The following CADPS2 variants were observed in gnomAD, a reference collection of about 807,000 sequenced individuals.
CADPS2 encodes the protein calcium-dependent secretion activator 2.
A neutral mutation model predicts 172.5 loss-of-function variants in CADPS2; 93 were observed. The observed-to-expected ratio is 0.54, with a 90% CI of 0.46 to 0.64. The LOEUF (loss-of-function observed/expected upper bound fraction) is 0.64, where lower values mean the gene tolerates loss of function less well. Among genes scored for constraint, CADPS2 ranks in the 30% least tolerant of loss-of-function variants. The probability of loss-of-function intolerance (pLI) is 0.00; values close to 1 mark genes in which losing one functional copy is unlikely to be tolerated. For synonymous variants in CADPS2, 546 were observed against 555.2 expected, an observed-to-expected ratio of 0.98 and a Z score of 0.23; for missense variants, 1,420 against 1,565.9, an observed-to-expected ratio of 0.91 and a Z score of 1.57.
chr7:122,419,292 T>C (rs920668822), intron 17 of CADPS2, among the ~76,000 whole-genome samples: 15 of 152,330 alleles, frequency 9.8e-5, no homozygotes, highest in Non-Finnish European at 2.2e-4. Context: ...CAAGGGTGGA[T>C]AAGAGAGCAT....
At chr7:122,441,634 T>A in intron 15 of CADPS2, 59 bp from the exon 16 acceptor site, 4 of 1,055,506 alleles carry the variant, frequency 3.8e-6, no homozygotes, top group Non-Finnish European at 5.4e-6. Flanking sequence ...GACTGCTAAA[T>A]AATTCCTGCT....
chr7:122,582,345 T>C (rs1359138384), intron 6 of CADPS2, among the ~76,000 whole-genome samples: 2 of 151,892 alleles, frequency 1.3e-5, no homozygotes, highest in African/African-American at 2.4e-5. Context: ...TGCCTTCCTC[T>C]CCTATCACAG....
intron 1 of CADPS2, among the ~76,000 whole-genome samples, chr7:122,837,123 C>A (rs980203963): frequency 1.3e-5 from 2 of 152,170 alleles, no homozygotes; most frequent in African/African-American, 4.8e-5. Context: ...GATTAAGAAA[C>A]TCACTCAAAA....
intron 9 of CADPS2, among the ~76,000 whole-genome samples, chr7:122,503,598 T>C (rs917884947): frequency 1.3e-5 from 2 of 152,200 alleles, no homozygotes; most frequent in African/African-American, 4.8e-5. Context: ...TTGATGTCTT[T>C]TGAGATCTGT....
chr7:122,730,065 C>T (rs1179132052), intron 2 of CADPS2, among the ~76,000 whole-genome samples: 1 of 151,382 alleles, frequency 6.6e-6, no homozygotes, highest in Non-Finnish European at 1.5e-5. Context: ...ATGCAAAATA[C>T]AAAAAACAAA....
At chr7:122,696,028 ATGCATTCAT>A (rs2085034960) in intron 2 of CADPS2, among the ~76,000 whole-genome samples, 1 of 152,174 alleles carries the variant, frequency 6.6e-6, no homozygotes, top group Non-Finnish European at 1.5e-5. Context: ...AACACTACAG[ATGCATTCAT>A]TGTCATAGCT....
chr7:122,668,971 C>A (rs986999), intron 2 of CADPS2, among the ~76,000 whole-genome samples: 125,249 of 152,158 alleles, frequency 0.82, 51,613 homozygotes, highest in Middle Eastern at 0.91. Flanking sequence ...CCTCAGCAGC[C>A]ACTTTGTTTT....
At position 122,867,019 on chromosome 7, in the gene CADPS2, C is replaced by A. The variant is rs116286748; in HGVS notation, c.339+18980G>T. On this transcript the variant is annotated intron_variant, in intron 1 of 29. Transcript: ENST00000449022. ...CTATTCCACCACAGGACTTTTTATT[C>A]TTGCTTTAGTGCTATATTGGATACT... is the stretch of plus-strand genomic sequence containing the variant. Among the ~76,000 whole-genome samples the A allele has an allele frequency of 1.0e-2, 1,519 of 152,184 alleles. 24 individuals carry two copies. Among genetic ancestry groups the A allele is most frequent in the African/African-American group, 0.034 (1,415 of 41,514 alleles).
chr7:122,321,103 TTC>T (rs1425541040), intron 29 of CADPS2, among the ~76,000 whole-genome samples: 2 of 152,250 alleles, frequency 1.3e-5, no homozygotes, highest in African/African-American at 2.4e-5. Context: ...AACAATATTT[TTC>T]TGTGGCACTT....
intron 1 of CADPS2, among the ~76,000 whole-genome samples, chr7:122,776,380 C>T (rs976415641): frequency 1.3e-5 from 2 of 152,040 alleles, no homozygotes; most frequent in Non-Finnish European, 2.9e-5. Context: ...GTCCATTAAA[C>T]CTATTTTTCT....
At chr7:122,507,442 G>C (rs2059690293) in intron 9 of CADPS2, among the ~76,000 whole-genome samples, 1 of 152,118 alleles carries the variant, frequency 6.6e-6, no homozygotes, top group Non-Finnish European at 1.5e-5. Flanking sequence ...TTTGGTGGGG[G>C]TATCTGGTGA....
chr7:122,538,196 G>C (rs549563515), intron 8 of CADPS2, among the ~76,000 whole-genome samples: 2 of 151,258 alleles, frequency 1.3e-5, no homozygotes, highest in Admixed American at 6.6e-5. Flanking sequence ...AAAAATTACT[G>C]TCCAACTGAT....
At chr7:122,578,433 G>T (rs1024524097) in intron 7 of CADPS2, among the ~76,000 whole-genome samples, 1 of 152,104 alleles carries the variant, frequency 6.6e-6, no homozygotes, top group Non-Finnish European at 1.5e-5. Flanking sequence ...TATAACAGAA[G>T]ATGAATTTGG....
chr7:122,866,203 T>TC (rs1326716369), intron 1 of CADPS2, among the ~76,000 whole-genome samples: 3 of 152,230 alleles, frequency 2.0e-5, no homozygotes, highest in Non-Finnish European at 4.4e-5. Flanking sequence ...TAGCACAGTT[T>TC]CACCCTACTG....
chr7:122,689,614 G>A (rs2084070170), intron 2 of CADPS2, among the ~76,000 whole-genome samples: 1 of 152,162 alleles, frequency 6.6e-6, no homozygotes, highest in African/African-American at 2.4e-5. Context: ...GCAGGCACAT[G>A]GGGCCACCCT....
chr7:122,538,298 G>A (rs2062535217), intron 8 of CADPS2, among the ~76,000 whole-genome samples: 1 of 148,984 alleles, frequency 6.7e-6, no homozygotes, highest in African/African-American at 2.4e-5. Context: ...CTTATAAGCA[G>A]AGATGTGAAA....
intron 11 of CADPS2, 25 bp downstream of exon 11, chr7:122,490,056 C>G (rs2058151314): frequency 1.2e-6 from 2 of 1,600,820 alleles, no homozygotes; most frequent in African/African-American, 2.7e-5. Flanking sequence ...AATTGATAAT[C>G]AAATTATTTT....
chr7:122,853,940 T>C (rs1308801607), intron 1 of CADPS2, among the ~76,000 whole-genome samples: 1 of 152,162 alleles, frequency 6.6e-6, no homozygotes. Flanking sequence ...CCTTCTACTG[T>C]GGGGAGGAGT....
At chr7:122,389,700 CA>C (rs565021466) in intron 22 of CADPS2, among the ~76,000 whole-genome samples, 3 of 150,926 alleles carry the variant, frequency 2.0e-5, no homozygotes, top group Non-Finnish European at 3.0e-5. Flanking sequence ...AAAGCAAAAG[CA>C]AAAAAAAGCT....
Sources: allele counts gnomAD v4.1 joint callset (sites outside exome capture counted in the v4.1 genomes callset), GRCh38; gene constraint gnomAD v4.1.1; transcripts MANE v1.5; gene names NCBI Gene and HGNC (gene_info 2026-07-23, HGNC 2026-07-21).